The following CFAP58 variants were observed in gnomAD, a reference collection of about 807,000 sequenced individuals.
CFAP58 encodes the protein cilia and flagella associated protein 58.
CFAP58 carries 88 observed loss-of-function variants against 119.5 expected under a neutral mutation model. That is an observed-to-expected ratio of 0.74 (90% CI 0.62 to 0.88). The LOEUF (loss-of-function observed/expected upper bound fraction) is 0.88. CFAP58 is among the 40% of genes least tolerant of loss of function. The pLI is 0.00. For synonymous variants in CFAP58, 365 were observed against 366.3 expected (o/e 1.00, Z 0.04); for missense variants, 990 against 1,021.2 (o/e 0.97, Z 0.42).
At chr10:104,438,525 G>A (rs966076530) in intron 15 of CFAP58, among the ~76,000 whole-genome samples, 6 of 151,720 alleles carry the variant, frequency 4.0e-5, no homozygotes, top group East Asian at 1.9e-4. Context: ...ACAGGCGCCC[G>A]CCACAGCGCC....
chr10:104,355,637 G>A (rs1273461504), intron 1 of CFAP58, among the ~76,000 whole-genome samples: 2 of 152,160 alleles, frequency 1.3e-5, no homozygotes, highest in African/African-American at 4.8e-5. Context: ...CTGGCACATA[G>A]CAAACAATCA....
chr10:104,380,984 T>C (rs2011779195), intron 9 of CFAP58, among the ~76,000 whole-genome samples: 1 of 152,054 alleles, frequency 6.6e-6, no homozygotes, highest in Non-Finnish European at 1.5e-5. Context: ...ACCCTGTCTC[T>C]ACAAAAAATA....
chr10:104,410,583 G>A (rs1213275830), intron 15 of CFAP58, among the ~76,000 whole-genome samples: 1 of 152,190 alleles, frequency 6.6e-6, no homozygotes. Flanking sequence ...ATGTGACTGA[G>A]AAGTCTGCTG....
intron 9 of CFAP58, among the ~76,000 whole-genome samples, chr10:104,380,876 C>T (rs888927463): frequency 2.6e-5 from 4 of 152,028 alleles, no homozygotes; most frequent in Non-Finnish European, 4.4e-5. Flanking sequence ...GAGCTGGGCA[C>T]GATGGCTCAC....
rs114581929 is a variant in CFAP58, at chr10:104,357,754, G to T, written c.10-587G>T. On this transcript the variant is annotated intron_variant, in intron 1 of 17. Transcript: ENST00000369704. The stretch of plus-strand genomic sequence containing the variant: ...ATATATATATGTAATGTGTATAAAT[G>T]TATAATGTGTATGTGTGTATATATG... Among the ~76,000 whole-genome samples, 456 of 151,240 alleles carry T rather than the reference G, an allele frequency of 3.0e-3. 6 individuals carry two copies. The highest frequency in any genetic ancestry group is 0.01 in the African/African-American group (421 of 41,152).
chr10:104,367,584 C>T (rs1209449949), intron 5 of CFAP58, among the ~76,000 whole-genome samples: 1 of 152,166 alleles, frequency 6.6e-6, no homozygotes, highest in Non-Finnish European at 1.5e-5. Context: ...AAACTATTCT[C>T]CTATGAAACA....
the CFAP58 span, among the ~76,000 whole-genome samples, chr10:104,342,666 CAAA>C: frequency 9.3e-3 from 839 of 90,496 alleles, 5 homozygotes; most frequent in African/African-American, 0.03. Flanking sequence ...CCCGTCTATA[CAAA>C]AAAAAAAAAA....
intron 14 of CFAP58, among the ~76,000 whole-genome samples, chr10:104,406,438 C>T (rs1324968757): frequency 6.6e-6 from 1 of 152,162 alleles, no homozygotes; most frequent in Non-Finnish European, 1.5e-5. Context: ...GTGGAATAAA[C>T]ATATTTACTT....
chr10:104,442,021 A>C (rs1472905990), intron 15 of CFAP58, among the ~76,000 whole-genome samples: 3 of 152,222 alleles, frequency 2.0e-5, no homozygotes, highest in South Asian at 2.1e-4. Context: ...GAAAACAGGC[A>C]TTTCCAGATA....
intron 13 of CFAP58, among the ~76,000 whole-genome samples, chr10:104,402,445 G>A (rs140353228): frequency 8.4e-4 from 128 of 152,290 alleles, no homozygotes; most frequent in African/African-American, 2.9e-3. Context: ...TAAATGAATC[G>A]ATTAAGTAAA....
At chr10:104,377,034 C>A in intron 8 of CFAP58, 141 bp downstream of exon 8, 2 of 591,562 alleles carry the variant, frequency 3.4e-6, no homozygotes, top group Non-Finnish European at 5.9e-6. Context: ...TAATTTTCCT[C>A]TAAGCAGCTG....
intron 5 of CFAP58, among the ~76,000 whole-genome samples, chr10:104,366,791 T>C (rs531109452): frequency 6.6e-6 from 1 of 152,338 alleles, no homozygotes; most frequent in Non-Finnish European, 1.5e-5. Flanking sequence ...GCATGAGCTC[T>C]CATTGCTGTG....
intron 15 of CFAP58, among the ~76,000 whole-genome samples, chr10:104,439,883 G>C (rs968986782): frequency 3.7e-4 from 57 of 152,052 alleles, no homozygotes; most frequent in African/African-American, 1.4e-3. Context: ...GCAGTGGCGC[G>C]ATCTCGGCTC....
chr10:104,380,651 C>T (rs2011772886), intron 9 of CFAP58, among the ~76,000 whole-genome samples: 1 of 152,088 alleles, frequency 6.6e-6, no homozygotes, highest in South Asian at 2.1e-4. Flanking sequence ...ATTAAATGAC[C>T]ACAAGTTAAG....
chr10:104,369,941 G>A (rs577365093), intron 6 of CFAP58, among the ~76,000 whole-genome samples: 67 of 152,312 alleles, frequency 4.4e-4, no homozygotes, highest in African/African-American at 1.6e-3. Flanking sequence ...AAAATCGGGT[G>A]CTTTTCTTTG....
intron 16 of CFAP58, among the ~76,000 whole-genome samples, chr10:104,448,799 G>C (rs910875534): frequency 6.6e-6 from 1 of 152,180 alleles, no homozygotes; most frequent in Non-Finnish European, 1.5e-5. Flanking sequence ...TTTTGCATAG[G>C]ACGTAATCTT....
chr10:104,413,519 C>T (rs555061262), intron 15 of CFAP58, among the ~76,000 whole-genome samples: 46 of 152,304 alleles, frequency 3.0e-4, no homozygotes, highest in South Asian at 6.2e-4. Flanking sequence ...TTCAGAGAAG[C>T]AGGGGCAATG....
chr10:104,411,872 T>A (rs564264210), intron 15 of CFAP58, among the ~76,000 whole-genome samples: 1 of 152,254 alleles, frequency 6.6e-6, no homozygotes, highest in African/African-American at 2.4e-5. Context: ...GGTGAAACTT[T>A]TAAAAGTCAC....
chr10:104,407,360 G>A (rs1288229243), intron 15 of CFAP58, among the ~76,000 whole-genome samples: 1 of 152,160 alleles, frequency 6.6e-6, no homozygotes, highest in Non-Finnish European at 1.5e-5. Context: ...AGATATGCTG[G>A]TGGCTTTACC....
Sources: gnomAD v4.1 joint callset for allele counts (sites outside exome capture counted in the v4.1 genomes callset) on GRCh38, gnomAD v4.1.1 for gene constraint, MANE v1.5 for transcripts, NCBI Gene and HGNC (gene_info 2026-07-23, HGNC 2026-07-21) for gene names.